Variants in PRKG1 observed in about 807,000 individuals in gnomAD.
The protein encoded by PRKG1 is protein kinase cGMP-dependent 1.
Under a neutral mutation model 88.1 loss-of-function variants are expected in PRKG1, and 35 were observed. That is an observed-to-expected ratio of 0.40 (90% confidence interval 0.30 to 0.53). The LOEUF (loss-of-function observed/expected upper bound fraction) is 0.53. PRKG1 is among the 20% of genes least tolerant of loss of function. PRKG1 has a pLI of 0.59. For synonymous variants in PRKG1, 303 were observed against 292.5 expected, an observed-to-expected ratio of 1.04 and a Z score of -0.37; for missense variants, 540 against 839.8, an observed-to-expected ratio of 0.64 and a Z score of 4.41.
chr10:52,141,204 G>A (rs1837572301), intron 8 of PRKG1, among the ~76,000 whole-genome samples: 1 of 152,168 alleles, frequency 6.6e-6, no homozygotes, highest in Non-Finnish European at 1.5e-5. Flanking sequence ...TTAGAAGAAA[G>A]AGTAACATTA....
At position 51,646,145 on chromosome 10, in the gene PRKG1, T is replaced by A. The variant is rs146440406; in HGVS notation, c.593-158440T>A. On this transcript the variant is annotated intron_variant, in intron 3 of 17. Coordinates refer to ENST00000373980, the MANE Select transcript of PRKG1 (RefSeq NM_006258.4). The stretch of plus-strand genomic sequence containing the variant: ...ATGAGGCAGATCTATGCTATGGAAA[T>A]CTCCAAAGTTTAGTACAGTTTGTTG... 1.1e-4 allele frequency among the ~76,000 whole-genome samples: 16 copies of A among 152,250 alleles called. No individual in the cohort carries two copies. In the East Asian group the frequency reaches 2.9e-3, roughly 28 times the overall value.
chr10:52,283,344 G>A (rs1842042330), intron 14 of PRKG1, among the ~76,000 whole-genome samples: 1 of 152,088 alleles, frequency 6.6e-6, no homozygotes, highest in Non-Finnish European at 1.5e-5. Context: ...GGCAGGATGT[G>A]AAGAATTACT....
intron 3 of PRKG1, among the ~76,000 whole-genome samples, chr10:51,648,537 G>A (rs371325945): frequency 5.3e-5 from 8 of 151,778 alleles, no homozygotes; most frequent in East Asian, 1.9e-4. Context: ...ACTAATCTTC[G>A]CAGTGTTCCT....
chr10:51,122,731 A>T (rs182842772), intron 1 of PRKG1, among the ~76,000 whole-genome samples: 2 of 152,322 alleles, frequency 1.3e-5, no homozygotes, highest in East Asian at 3.9e-4. Flanking sequence ...AACTGATTTG[A>T]CACTGGCAAC....
chr10:51,336,785 C>T (rs996728147), intron 2 of PRKG1, among the ~76,000 whole-genome samples: 6 of 152,146 alleles, frequency 3.9e-5, no homozygotes, highest in Non-Finnish European at 7.4e-5. Context: ...TTGGCCAAAA[C>T]AAATGATTAA....
chr10:52,106,831 A>T (rs1751730777), intron 7 of PRKG1, among the ~76,000 whole-genome samples: 1 of 151,774 alleles, frequency 6.6e-6, no homozygotes, highest in Non-Finnish European at 1.5e-5. Context: ...AATTGTAATG[A>T]CACATAATGA....
chr10:51,556,634 G>A (rs10740297), intron 3 of PRKG1, among the ~76,000 whole-genome samples: 140,838 of 152,096 alleles, frequency 0.93, 65,293 homozygotes, highest in East Asian at 1. Context: ...AAAACCAAAT[G>A]CTACATGATC....
At chr10:51,257,619 T>A (rs542403807) in intron 2 of PRKG1, among the ~76,000 whole-genome samples, 57 of 152,298 alleles carry the variant, frequency 3.7e-4, no homozygotes, top group South Asian at 1.2e-3. Flanking sequence ...GTGTTAGCTC[T>A]TGTTCTTTGT....
intron 3 of PRKG1, among the ~76,000 whole-genome samples, chr10:51,473,269 T>G (rs946277223): frequency 2.0e-5 from 3 of 151,926 alleles, no homozygotes; most frequent in African/African-American, 7.2e-5. Context: ...CAGACTAACA[T>G]GAACAAATGT....
chr10:51,793,138 C>CAAAAAAAAAAA (rs775904836), intron 3 of PRKG1, among the ~76,000 whole-genome samples: 5 of 69,748 alleles, frequency 7.2e-5, no homozygotes, highest in Admixed American at 1.7e-4. Flanking sequence ...CAGCACACTG[C>CAAAAAAAAAAA]AAAAAAAAAA....
intron 10 of PRKG1, among the ~76,000 whole-genome samples, chr10:52,265,096 G>A (rs906706688): frequency 3.7e-4 from 56 of 152,056 alleles, no homozygotes; most frequent in African/African-American, 1.3e-3. Flanking sequence ...TCTCTAGCTG[G>A]AATGAGTTTT....
intron 3 of PRKG1, among the ~76,000 whole-genome samples, chr10:51,750,601 G>T (rs1837699072): frequency 6.6e-6 from 1 of 152,218 alleles, no homozygotes; most frequent in Admixed American, 6.5e-5. Context: ...CAAAACGCAT[G>T]AAGTAGTGCA....
chr10:51,486,736 T>A (rs1039797059), intron 3 of PRKG1, among the ~76,000 whole-genome samples: 8 of 152,172 alleles, frequency 5.3e-5, no homozygotes, highest in African/African-American at 1.9e-4. Flanking sequence ...CTTAGTATAC[T>A]TTACCATCAT....
intron 7 of PRKG1, among the ~76,000 whole-genome samples, chr10:52,081,028 G>T (rs148845813): frequency 1.0e-3 from 155 of 152,214 alleles, no homozygotes; most frequent in African/African-American, 3.5e-3. Context: ...TGTTCAGTCC[G>T]GCTTCCTTCA....
Position 51,388,433 on chromosome 10 carries a change from TAA to T in PRKG1, c.479-79289_479-79288del, listed in dbSNP as rs554861142. Among the ~76,000 whole-genome samples, 154 of 152,330 alleles carry T rather than the reference TAA, an allele frequency of 1.0e-3. 2 individuals carry two copies. In the Middle Eastern group the frequency reaches 0.014, roughly 13 times the overall value. On this transcript the variant is annotated intron_variant, in intron 2 of 17. Transcript: ENST00000373980. ...AATCTCTTTTGATGCCTAAAATCAC[TAA>T]GATTTCTTTTTAAATTTTCTGTCCA... is the stretch of plus-strand genomic sequence containing the variant.
chr10:51,726,125 C>G (rs1426373215), intron 3 of PRKG1, among the ~76,000 whole-genome samples: 1 of 152,142 alleles, frequency 6.6e-6, no homozygotes, highest in Non-Finnish European at 1.5e-5. Context: ...TAATGTAATA[C>G]TGTTTGTCAA....
intron 3 of PRKG1, among the ~76,000 whole-genome samples, chr10:51,660,059 T>C (rs1021792874): frequency 1.4e-5 from 2 of 146,676 alleles, no homozygotes; most frequent in African/African-American, 2.5e-5. Context: ...GAATGAAGAA[T>C]AGAGTGTCTG....
At chr10:52,071,920 C>T (rs2133287131) in intron 7 of PRKG1, among the ~76,000 whole-genome samples, 1 of 152,270 alleles carries the variant, frequency 6.6e-6, no homozygotes, top group South Asian at 2.1e-4. Flanking sequence ...CAGAGAAAGA[C>T]TCTTGACATT....
intron 1 of PRKG1, among the ~76,000 whole-genome samples, chr10:51,068,802 T>A (rs1490768367): frequency 6.6e-6 from 1 of 152,032 alleles, no homozygotes. Context: ...TGAGCAACTC[T>A]AACTTATTTA....
Sources: gnomAD v4.1 joint callset for allele counts (sites outside exome capture counted in the v4.1 genomes callset) on GRCh38, gnomAD v4.1.1 for gene constraint, MANE v1.5 for transcripts, NCBI Gene and HGNC (gene_info 2026-07-23, HGNC 2026-07-21) for gene names.